The following UNC5C variants were observed in gnomAD, a reference collection of about 807,000 sequenced individuals.
UNC5C encodes netrin receptor UNC5C.
Under a neutral mutation model 99.8 loss-of-function variants are expected in UNC5C, and 47 were observed. The observed-to-expected ratio is 0.47, with a 90% CI of 0.37 to 0.60. The LOEUF (loss-of-function observed/expected upper bound fraction) is 0.60. Among genes scored for constraint, UNC5C ranks in the 20% least tolerant of loss-of-function variants. The pLI is 0.00. For missense variants in UNC5C, 1,062 were observed against 1,165.9 expected, an observed-to-expected ratio of 0.91 and a Z score of 1.30; for synonymous variants, 487 against 452.2, an observed-to-expected ratio of 1.08 and a Z score of -0.98.
chr4:95,356,840 T>C (rs970857761), intron 1 of UNC5C, among the ~76,000 whole-genome samples: 4 of 152,096 alleles, frequency 2.6e-5, no homozygotes, highest in African/African-American at 9.7e-5. Flanking sequence ...AGAGAAGTAA[T>C]CTGTTGCATA....
intron 1 of UNC5C, among the ~76,000 whole-genome samples, chr4:95,511,908 G>A (rs1722086250): frequency 1.3e-5 from 2 of 152,188 alleles, no homozygotes; most frequent in African/African-American, 2.4e-5. Context: ...TTGTCTGGAA[G>A]AAGATTCAAG....
intron 1 of UNC5C, among the ~76,000 whole-genome samples, chr4:95,537,634 T>C (rs532256905): frequency 1.3e-5 from 2 of 152,202 alleles, no homozygotes; most frequent in East Asian, 3.9e-4. Flanking sequence ...ATTCAAAAGA[T>C]GAAAAAATGT....
In UNC5C at chr4:95,193,879, G is replaced by A. The variant is rs537621467; in HGVS notation, c.2137-8683C>T. Among the ~76,000 whole-genome samples, 3 of 152,218 alleles carry A rather than the reference G, an allele frequency of 2.0e-5. No homozygotes were observed. In the South Asian group the frequency reaches 6.2e-4, roughly 32 times the overall value. On this transcript the variant is annotated intron_variant, in intron 12 of 15. Transcript: ENST00000453304. ...TCAGCCCGGCCTCTCCCACCTGCTC[G>A]GGTCGCCATCCCTGGCGCCCGGCCT...
rs529683471 is a variant in UNC5C at position 95,350,225 on chromosome 4, C to T, written c.125-14594G>A. Among the ~76,000 whole-genome samples the T allele has an allele frequency of 8.5e-5, 13 of 152,140 alleles. No individual in the cohort carries two copies. The South Asian group carries it at 1.9e-3, about 22-fold the overall frequency. Reference sequence around the variant, plus strand: ...AGTTCCGGCTGGGCGCGATGGTTCACGCCTGTAATTCCAGCACTTTGGGAG... The same window carrying T: ...AGTTCCGGCTGGGCGCGATGGTTCATGCCTGTAATTCCAGCACTTTGGGAG... On this transcript the variant is annotated intron_variant, in intron 1 of 15. Transcript: ENST00000453304.
chr4:95,366,862 CT>C (rs1744588361), intron 1 of UNC5C, among the ~76,000 whole-genome samples: 1 of 152,144 alleles, frequency 6.6e-6, no homozygotes, highest in Non-Finnish European at 1.5e-5. Context: ...TATACCAAAA[CT>C]TTTCTGTTTT....
intron 1 of UNC5C, among the ~76,000 whole-genome samples, chr4:95,479,285 T>C (rs1721061602): frequency 1.3e-5 from 2 of 152,032 alleles, no homozygotes; most frequent in African/African-American, 4.8e-5. Flanking sequence ...TCTTCCTCAC[T>C]GTGTGTCTCT....
chr4:95,282,102 C>T (rs534227269), intron 3 of UNC5C, among the ~76,000 whole-genome samples: 1 of 152,084 alleles, frequency 6.6e-6, no homozygotes, highest in Non-Finnish European at 1.5e-5. Context: ...GCACTGGAAA[C>T]AGATGGCATC....
At chr4:95,314,738 A>G (rs1242433542) in intron 2 of UNC5C, among the ~76,000 whole-genome samples, 1 of 152,196 alleles carries the variant, frequency 6.6e-6, no homozygotes, top group Non-Finnish European at 1.5e-5. Flanking sequence ...TTCACAAATC[A>G]GATGTCACTT....
intron 10 of UNC5C, among the ~76,000 whole-genome samples, chr4:95,215,325 A>G (rs1273741750): frequency 6.6e-6 from 1 of 152,232 alleles, no homozygotes; most frequent in Admixed American, 6.5e-5. Context: ...CTCCATTTTA[A>G]CAACATCTTT....
At position 95,398,097 on chromosome 4, in the gene UNC5C, T is replaced by C. The variant is rs933790833; in HGVS notation, c.125-62466A>G. ...AAAATGCTACAGTGGATAACATACATCCTTGCTCCCAAAGTACAGGAAGAA... is the reference window on the plus strand; with the variant it reads ...AAAATGCTACAGTGGATAACATACACCCTTGCTCCCAAAGTACAGGAAGAA... On this transcript the variant is annotated intron_variant, in intron 1 of 15. Coordinates refer to ENST00000453304, the MANE Select transcript of UNC5C (RefSeq NM_003728.4). Among the ~76,000 whole-genome samples the C allele has an allele frequency of 6.5e-5, 9 of 138,304 alleles. No homozygotes were observed. In the East Asian group the frequency reaches 2.1e-3, roughly 33 times the overall value. The allele number at this position is 138,304 out of a possible 152,430, so 90.7% of individuals were successfully genotyped here.
At chr4:95,185,977 T>TGATA (rs1736813488) in intron 12 of UNC5C, among the ~76,000 whole-genome samples, 1 of 152,000 alleles carries the variant, frequency 6.6e-6, no homozygotes, top group African/African-American at 2.4e-5. Flanking sequence ...ACTATACAGA[T>TGATA]ACAACATAAA....
chr4:95,541,968 C>T (rs749004403), intron 1 of UNC5C, among the ~76,000 whole-genome samples: 2 of 152,050 alleles, frequency 1.3e-5, no homozygotes, highest in African/African-American at 2.4e-5. Context: ...TGTTTCACAT[C>T]GTCAGTTAGA....
At chr4:95,361,845 C>CA (rs1255362747) in intron 1 of UNC5C, among the ~76,000 whole-genome samples, 4 of 152,022 alleles carry the variant, frequency 2.6e-5, no homozygotes, top group African/African-American at 9.7e-5. Flanking sequence ...ACCAAAGGCT[C>CA]AAAAAATAGT....
chr4:95,304,550 G>T (rs373812648), intron 2 of UNC5C, among the ~76,000 whole-genome samples: 1 of 151,932 alleles, frequency 6.6e-6, no homozygotes, highest in Middle Eastern at 3.4e-3. Context: ...TCTTTCCCCA[G>T]TCCCCATATC....
chr4:95,209,129 A>G (rs1043641641), intron 10 of UNC5C, among the ~76,000 whole-genome samples: 2 of 152,192 alleles, frequency 1.3e-5, no homozygotes, highest in Non-Finnish European at 2.9e-5. Context: ...GAATGCAACC[A>G]TTGAGTGTGT....
intron 3 of UNC5C, among the ~76,000 whole-genome samples, chr4:95,290,501 T>C (rs1741403818): frequency 6.6e-6 from 1 of 152,174 alleles, no homozygotes; most frequent in South Asian, 2.1e-4. Context: ...AAGAGAAAAG[T>C]TTGTTTAAAA....
chr4:95,380,442 CA>C (rs1369306877), intron 1 of UNC5C, among the ~76,000 whole-genome samples: 4 of 127,008 alleles, frequency 3.1e-5, no homozygotes, highest in South Asian at 5.1e-4. Context: ...ACTTAAGAAA[CA>C]TTTTTTTTTT....
chr4:95,527,604 TATA>T (rs1722531652), intron 1 of UNC5C, among the ~76,000 whole-genome samples: 1 of 152,158 alleles, frequency 6.6e-6, no homozygotes. Flanking sequence ...AGTAAAGATT[TATA>T]ATTGCTTTTG....
intron 1 of UNC5C, among the ~76,000 whole-genome samples, chr4:95,440,551 CT>C (rs1746921203): frequency 6.6e-6 from 1 of 152,116 alleles, no homozygotes; most frequent in Admixed American, 6.5e-5. Flanking sequence ...CTACTTACTT[CT>C]TTCCACTCAA....
Sources: allele counts gnomAD v4.1 joint callset (sites outside exome capture counted in the v4.1 genomes callset), GRCh38; gene constraint gnomAD v4.1.1; transcripts MANE v1.5; gene names NCBI Gene and HGNC (gene_info 2026-07-23, HGNC 2026-07-21).